The following GRAP2 variants were observed in gnomAD, a reference collection of about 807,000 sequenced individuals.
GRAP2 encodes GRB2-related adapter protein 2.
Under a neutral mutation model 43.5 loss-of-function variants are expected in GRAP2, and 31 were observed. The ratio of observed to expected loss-of-function variants is 0.71; its 90% confidence interval spans 0.54 to 0.96. The LOEUF (loss-of-function observed/expected upper bound fraction) is 0.96. GRAP2 is among the 40% of genes least tolerant of loss of function. GRAP2 has a pLI of 0.00. For missense variants in GRAP2, 371 were observed against 424.4 expected, an observed-to-expected ratio of 0.87 and a Z score of 1.11; for synonymous variants, 156 against 164.8, an observed-to-expected ratio of 0.95 and a Z score of 0.41.
intron 1 of GRAP2, among the ~76,000 whole-genome samples, chr22:39,933,080 G>A (rs530702112): frequency 1.3e-4 from 20 of 152,344 alleles, no homozygotes; most frequent in Middle Eastern, 3.4e-3. Flanking sequence ...GGGGTATGAG[G>A]GGGGCAGGCC....
At chr22:39,933,054 G>A (rs6001706) in intron 1 of GRAP2, among the ~76,000 whole-genome samples, 1 of 152,246 alleles carries the variant, frequency 6.6e-6, no homozygotes, top group South Asian at 2.1e-4. Flanking sequence ...GGAAGAATAA[G>A]AGAAAGTGAG....
At chr22:39,943,062 G>C (rs2066886663) in intron 1 of GRAP2, among the ~76,000 whole-genome samples, 1 of 152,174 alleles carries the variant, frequency 6.6e-6, no homozygotes, top group Admixed American at 6.5e-5. Flanking sequence ...ATTGCCCTTT[G>C]TAAGAGATAC....
At chr22:39,966,484 C>T (rs185730768) in intron 5 of GRAP2, among the ~76,000 whole-genome samples, 88 of 152,340 alleles carry the variant, frequency 5.8e-4, no homozygotes, top group Non-Finnish European at 1.1e-3. Flanking sequence ...TCAGCTCTTA[C>T]CACAGGTGCT....
chr22:39,955,041 TTA>T (rs1226918168), intron 2 of GRAP2, among the ~76,000 whole-genome samples: 1 of 152,210 alleles, frequency 6.6e-6, no homozygotes, highest in African/African-American at 2.4e-5. Flanking sequence ...ATCTGCCTGT[TTA>T]AAAAACAATA....
chr22:39,947,429 A>C, intron 2 of GRAP2: 2 of 483,154 alleles, frequency 4.1e-6, no homozygotes, highest in Non-Finnish European at 3.8e-6. Flanking sequence ...CATCCACCCA[A>C]AGGGCTGTTA....
chr22:39,970,916 G>A lies in GRAP2; in HGVS notation c.825G>A (p.Trp275Ter), dbSNP rs2067235327. The A allele has an allele frequency of 1.2e-6, 2 of 1,604,514 alleles. No homozygotes were observed. Among genetic ancestry groups the A allele is most frequent in the Non-Finnish European group, 1.7e-6 (2 of 1,176,000 alleles). The change falls in exon 8 of 8, where the codon TGG becomes TGA. Residue 275 changes from tryptophan to a stop codon, truncating the protein, a stop_gained. Coordinates refer to ENST00000344138, the MANE Select transcript of GRAP2 (RefSeq NM_004810.4). LOFTEE classifies it high-confidence loss of function. ...VQLQAAGRVR[W>*]ARALYDFEAL... ...GCTTCCCCCAACAGCGAGTGCGGTGGGCCCGGGCGCTGTATGACTTTGAGG... is the reference window on the plus strand; with the variant it reads ...GCTTCCCCCAACAGCGAGTGCGGTGAGCCCGGGCGCTGTATGACTTTGAGG...
rs1479181742 is a variant in GRAP2 at position 39,971,311 on chromosome 22, CAG to C, written c.*228_*229del. The C allele has an allele frequency of 9.7e-6, 5 of 514,094 alleles. No homozygotes were observed. The highest frequency in any genetic ancestry group is 8.0e-5 in the African/African-American group (4 of 49,724). The allele number at this position is 514,094 out of a possible 1,614,324, so 31.8% of individuals were successfully genotyped here. A position where few individuals can be genotyped will look rare whatever the true frequency, so the allele number is the denominator to read the frequency against. On this transcript the variant is annotated 3_prime_UTR_variant, in exon 8 of 8. Coordinates refer to ENST00000344138, the MANE Select transcript of GRAP2 (RefSeq NM_004810.4). Reference sequence around the variant, plus strand: ...TTGACACTTGCTTTTCTGCCCCCCTCAGGGGTGTGTGGAAGGCAGTGGGGGAG... The same window carrying C: ...TTGACACTTGCTTTTCTGCCCCCCTCGGGTGTGTGGAAGGCAGTGGGGGAG...
In GRAP2 at chr22:39,964,614, G is replaced by A. The variant is rs537696981; in HGVS notation, c.291-1376G>A. On this transcript the variant is annotated intron_variant, in intron 4 of 7. Transcript: ENST00000344138. Reference sequence around the variant, plus strand: ...GAGACGGTGACCCTTTATTTCATCCGTATTTAAACCTCTCTATTCCCTCCT... The same window carrying A: ...GAGACGGTGACCCTTTATTTCATCCATATTTAAACCTCTCTATTCCCTCCT... 5.4e-4 allele frequency: 379 copies of A among 707,508 alleles called. 2 individuals are homozygous for A. In the East Asian group the frequency reaches 6.3e-3, roughly 12 times the overall value. 43.8% of individuals were successfully genotyped at this position (707,508 alleles called of 1,614,324 possible).
chr22:39,968,660 A>G, intron 6 of GRAP2: 2 of 234,462 alleles, frequency 8.5e-6, no homozygotes, highest in Non-Finnish European at 1.6e-5. Flanking sequence ...AGCCTTGTTT[A>G]TTACTTATTT....
chr22:39,939,576 A>AG (rs963069872), intron 1 of GRAP2, among the ~76,000 whole-genome samples: 15 of 148,854 alleles, frequency 1.0e-4, no homozygotes, highest in African/African-American at 3.7e-4. Flanking sequence ...AAAAAAAAAA[A>AG]AAAAAAGAAA....
chr22:39,912,848 A>G (rs539601256), intron 1 of GRAP2, among the ~76,000 whole-genome samples: 7 of 152,164 alleles, frequency 4.6e-5, no homozygotes, highest in Admixed American at 3.9e-4. Flanking sequence ...GGAGACATCT[A>G]GGACCAATGC....
At chr22:39,960,374 G>A (rs1362684929) in intron 4 of GRAP2, 200 bp downstream of exon 4, 3 of 548,338 alleles carry the variant, frequency 5.5e-6, no homozygotes, top group Admixed American at 3.0e-5. Flanking sequence ...TAGAACACTG[G>A]TGTGTGTTTG....
Position 39,971,391 on chromosome 22 carries a change from C to G in GRAP2, c.*307C>G, listed in dbSNP as rs2067241448. 1 of 355,426 alleles carries G rather than the reference C, an allele frequency of 2.8e-6. No homozygotes were observed. The highest frequency in any genetic ancestry group is 5.0e-6 in the Non-Finnish European group (1 of 198,376). 22.0% of individuals were successfully genotyped at this position (355,426 alleles called of 1,614,324 possible). The stretch of plus-strand genomic sequence containing the variant: ...GAGTTTTGTCCTGGCCTTCAGCTGT[C>G]ACTGCTTCCTCCTTGTCTTGGGAAT... On this transcript the variant is annotated 3_prime_UTR_variant, in exon 8 of 8. Transcript: ENST00000344138.
chr22:39,910,489 A>T (rs996231902), intron 1 of GRAP2, among the ~76,000 whole-genome samples: 8 of 151,690 alleles, frequency 5.3e-5, no homozygotes, highest in Non-Finnish European at 7.4e-5. Flanking sequence ...GCTCACTGCA[A>T]CCTCTGCCTC....
At chr22:39,969,150 G>A (rs1021990830) in intron 6 of GRAP2, among the ~76,000 whole-genome samples, 2 of 152,196 alleles carry the variant, frequency 1.3e-5, no homozygotes, top group African/African-American at 4.8e-5. Context: ...TTTCCCTTGT[G>A]TCTGCTACTG....
chr22:39,937,973 T>C (rs894306633), intron 1 of GRAP2, among the ~76,000 whole-genome samples: 3 of 152,246 alleles, frequency 2.0e-5, no homozygotes, highest in African/African-American at 7.2e-5. Context: ...ATGTGATGCG[T>C]CTTGCACTAA....
chr22:39,952,101 A>G (rs1601726855), intron 2 of GRAP2, among the ~76,000 whole-genome samples: 2 of 148,130 alleles, frequency 1.4e-5, no homozygotes, highest in East Asian at 2.0e-4. Context: ...ATCTCGGCTC[A>G]CTGCAACCTC....
At chr22:39,943,277 G>C (rs756423231) in intron 1 of GRAP2, among the ~76,000 whole-genome samples, 6 of 152,190 alleles carry the variant, frequency 3.9e-5, no homozygotes, top group Non-Finnish European at 8.8e-5. Flanking sequence ...TTTAGAAGTA[G>C]ACAAGCATTC....
chr22:39,901,235 T>A lies in GRAP2; in HGVS notation c.-110T>A. On this transcript the variant is annotated 5_prime_UTR_variant, in exon 1 of 8. Transcript: ENST00000344138. Reference sequence around the variant, plus strand: ...GATCCATACTCTGAAATGCAGTAACTCTGATGCTTGAATTTGTCTCCCTTC... The same window carrying A: ...GATCCATACTCTGAAATGCAGTAACACTGATGCTTGAATTTGTCTCCCTTC... 8.1e-7 allele frequency: 1 copy of A among 1,232,148 alleles called. No individual in the cohort carries two copies. Among genetic ancestry groups the A allele is most frequent in the Non-Finnish European group, 1.1e-6 (1 of 936,642 alleles). 76.3% of individuals were successfully genotyped at this position (1,232,148 alleles called of 1,614,324 possible). A position where few individuals can be genotyped will look rare whatever the true frequency, so the allele number is the denominator to read the frequency against.
Sources: allele counts gnomAD v4.1 joint callset (sites outside exome capture counted in the v4.1 genomes callset), GRCh38; gene constraint gnomAD v4.1.1; transcripts MANE v1.5; gene names NCBI Gene and HGNC (gene_info 2026-07-23, HGNC 2026-07-21).